The following FARS2 variants were observed in gnomAD, a reference collection of about 807,000 sequenced individuals.
FARS2 encodes phenylalanine--tRNA ligase, mitochondrial.
FARS2 carries 40 observed loss-of-function variants against 46.4 expected under a neutral mutation model. That is an observed-to-expected ratio of 0.86 (90% confidence interval 0.67 to 1.12). The LOEUF (loss-of-function observed/expected upper bound fraction) is 1.12. FARS2 is among the 50% of genes most tolerant of loss of function. The probability of loss-of-function intolerance (pLI) is 0.00; values close to 1 mark genes in which losing one functional copy is unlikely to be tolerated. For missense variants in FARS2, 513 were observed against 567.9 expected, an observed-to-expected ratio of 0.90 and a Z score of 0.98; for synonymous variants, 234 against 214.9, an observed-to-expected ratio of 1.09 and a Z score of -0.78.
At chr6:5,481,935 T>C (rs1766484936) in intron 4 of FARS2, among the ~76,000 whole-genome samples, 1 of 152,200 alleles carries the variant, frequency 6.6e-6, no homozygotes, top group African/African-American at 2.4e-5. Context: ...GCTTGAGGAC[T>C]GTCCTCGTAA....
intron 1 of FARS2, among the ~76,000 whole-genome samples, chr6:5,297,519 G>A (rs957790976): frequency 6.6e-6 from 1 of 152,070 alleles, no homozygotes; most frequent in African/African-American, 2.4e-5. Flanking sequence ...GTGGTGGTGG[G>A]CACTTGTAAT....
intron 1 of FARS2, among the ~76,000 whole-genome samples, chr6:5,341,580 G>A (rs1217319293): frequency 2.0e-5 from 3 of 151,402 alleles, no homozygotes; most frequent in East Asian, 1.9e-4. Context: ...GTGCAGTGGC[G>A]TGATCTTGGC....
intron 6 of FARS2, chr6:5,664,923 C>A (rs1778033075): frequency 6.6e-6 from 1 of 152,184 alleles, no homozygotes; most frequent in African/African-American, 2.4e-5. Flanking sequence ...CATCTGGTTT[C>A]CTGTATCCTT....
At chr6:5,345,568 C>G (rs901814841) in intron 1 of FARS2, among the ~76,000 whole-genome samples, 1 of 152,198 alleles carries the variant, frequency 6.6e-6, no homozygotes, top group African/African-American at 2.4e-5. Context: ...AGTCCACGTG[C>G]TGTCTGTTCA....
intron 1 of FARS2, among the ~76,000 whole-genome samples, chr6:5,297,541 G>A (rs1447678281): frequency 3.3e-5 from 5 of 152,002 alleles, no homozygotes; most frequent in African/African-American, 9.7e-5. Context: ...CCAGCTACTC[G>A]GGAGGCTGAG....
intron 5 of FARS2, among the ~76,000 whole-genome samples, chr6:5,577,448 C>T (rs1019348532): frequency 2.0e-5 from 3 of 152,134 alleles, no homozygotes; most frequent in African/African-American, 4.8e-5. Context: ...CTAGTACTTA[C>T]ATCTTGGTTT....
At chr6:5,272,407 G>A (rs1766024231) in intron 1 of FARS2, 1 of 152,042 alleles carries the variant, frequency 6.6e-6, no homozygotes, top group South Asian at 2.1e-4. Flanking sequence ...ATCTTATGCG[G>A]AAATGATATC....
rs1395056203 is a variant in FARS2 at position 5,758,317 on chromosome 6, C to CT, written c.1218-12969dup. ...TATGGAATATTAATCAATTAGATTA[C>CT]TTTTTCTCACCAATTTTGGCTCTAA... On this transcript the variant is annotated intron_variant, in intron 6 of 6. Transcript: ENST00000274680. Among the ~76,000 whole-genome samples the CT allele has an allele frequency of 7.9e-5, 12 of 152,196 alleles. 1 individual carries two copies. In the East Asian group the frequency reaches 2.1e-3, roughly 27 times the overall value.
At chr6:5,282,127 G>A (rs1247065803) in intron 1 of FARS2, among the ~76,000 whole-genome samples, 2 of 152,106 alleles carry the variant, frequency 1.3e-5, no homozygotes, top group East Asian at 1.9e-4. Context: ...TGAAATGTAG[G>A]GATTCAGATG....
rs77900317 is a variant in FARS2, at chr6:5,637,807, G to A, written c.1217+24487G>A. Among the ~76,000 whole-genome samples, 693 of 152,182 alleles carry A rather than the reference G, an allele frequency of 4.6e-3. 2 individuals carry two copies. Among genetic ancestry groups the A allele is most frequent in the African/African-American group, 0.016 (662 of 41,520 alleles). On this transcript the variant is annotated intron_variant, in intron 6 of 6. Transcript: ENST00000274680. ...CTCCCTGTATCCTCACATGATCCCC[G>A]CTCCGTATGTGTCTGTGTCCTCCAC...
chr6:5,717,781 C>T (rs1490313184), intron 6 of FARS2, among the ~76,000 whole-genome samples: 1 of 151,954 alleles, frequency 6.6e-6, no homozygotes, highest in African/African-American at 2.4e-5. Flanking sequence ...TGCCTAAGTC[C>T]ATTATCCATC....
Position 5,606,755 on chromosome 6 carries a change from C to G in FARS2, c.1066-6414C>G, listed in dbSNP as rs190681370. Among the ~76,000 whole-genome samples, 301 of 152,268 alleles carry G rather than the reference C, an allele frequency of 2.0e-3. 1 individual carries two copies. Among genetic ancestry groups the G allele is most frequent in the Admixed American group, 4.2e-3 (64 of 15,298 alleles). ...GTTCAATAGCGGGGAGGTGGAGCAGCTCTGGATGCTGTACACACACTGGGC... is the reference window on the plus strand; with the variant it reads ...GTTCAATAGCGGGGAGGTGGAGCAGGTCTGGATGCTGTACACACACTGGGC... On this transcript the variant is annotated intron_variant, in intron 5 of 6. Coordinates refer to ENST00000274680, the MANE Select transcript of FARS2 (RefSeq NM_006567.5).
intron 1 of FARS2, among the ~76,000 whole-genome samples, chr6:5,300,252 G>C (rs1768202063): frequency 1.3e-5 from 2 of 152,050 alleles, no homozygotes; most frequent in African/African-American, 4.8e-5. Flanking sequence ...TTTTGATATA[G>C]GTAGAACAGA....
chr6:5,508,082 A>G (rs1486935304), intron 4 of FARS2, among the ~76,000 whole-genome samples: 2 of 152,230 alleles, frequency 1.3e-5, no homozygotes, highest in Non-Finnish European at 2.9e-5. Flanking sequence ...AAGTTCCTCT[A>G]CTTATTTTCT....
intron 4 of FARS2, among the ~76,000 whole-genome samples, chr6:5,496,201 C>T (rs898876414): frequency 9.9e-5 from 15 of 152,046 alleles, no homozygotes; most frequent in African/African-American, 3.6e-4. Context: ...CTTTTGAATC[C>T]GTTGAATGTC....
intron 1 of FARS2, among the ~76,000 whole-genome samples, chr6:5,362,927 CTTTTTTTT>C (rs55686418): frequency 1.6e-5 from 2 of 124,226 alleles, no homozygotes. Flanking sequence ...TTCTTTCTTT[CTTTTTTTT>C]TTTTTTTTTG....
chr6:5,500,733 A>T (rs1767741490), intron 4 of FARS2, among the ~76,000 whole-genome samples: 1 of 151,978 alleles, frequency 6.6e-6, no homozygotes, highest in South Asian at 2.1e-4. Context: ...TTGCTACCTT[A>T]CATTTTTTTT....
chr6:5,751,718 G>A (rs1248754821), intron 6 of FARS2, among the ~76,000 whole-genome samples: 1 of 152,146 alleles, frequency 6.6e-6, no homozygotes, highest in Admixed American at 6.6e-5. Context: ...CTTGTTCTAT[G>A]GCTCTGATTC....
chr6:5,588,696 A>G (rs143941835), intron 5 of FARS2, among the ~76,000 whole-genome samples: 1 of 152,150 alleles, frequency 6.6e-6, no homozygotes, highest in South Asian at 2.1e-4. Context: ...TCTTTCTCCA[A>G]GTGCTTCCTA....
Sources: gnomAD v4.1 joint callset for allele counts (sites outside exome capture counted in the v4.1 genomes callset) on GRCh38, gnomAD v4.1.1 for gene constraint, MANE v1.5 for transcripts, NCBI Gene and HGNC (gene_info 2026-07-23, HGNC 2026-07-21) for gene names.